FGGY: variants seen among roughly 807,000 people sequenced by gnomAD.
The protein encoded by FGGY is FGGY carbohydrate kinase domain-containing protein.
In FGGY, 72 loss-of-function variants were observed where a neutral mutation model predicts 71.3. The ratio of observed to expected loss-of-function variants is 1.01; its 90% CI spans 0.84 to 1.23. The LOEUF (loss-of-function observed/expected upper bound fraction) is 1.23, where lower values mean the gene tolerates loss of function less well. FGGY is among the 50% of genes most tolerant of loss of function. The pLI is 0.00. For missense variants in FGGY, 668 were observed against 682.3 expected (o/e 0.98, Z 0.23); for synonymous variants, 251 against 250.3 (o/e 1.00, Z -0.02).
rs753446261 is a variant in FGGY at position 59,673,996 on chromosome 1, C to A, written c.1418-43C>A. 8.2e-6 allele frequency: 13 copies of A among 1,581,288 alleles called. No individual in the cohort carries two copies. In the South Asian group the frequency reaches 1.0e-4, roughly 12 times the overall value. On this transcript the variant is annotated intron_variant, in intron 13 of 15. Coordinates refer to ENST00000303721, the MANE Select transcript of FGGY (RefSeq NM_018291.5). ...CTGCTTGTTGGCTCCTCACACTCCC[C>A]TGGCTCTGCTCCCTAACCAAGGTGT...
In FGGY at chr1:59,726,950, A is replaced by T. The variant is rs139368925; in HGVS notation, c.1513-30981A>T. 2.5e-3 allele frequency among the ~76,000 whole-genome samples: 384 copies of T among 152,234 alleles called. 2 individuals carry two copies. Among genetic ancestry groups the T allele is most frequent in the Admixed American group, 3.2e-3 (49 of 15,286 alleles). On this transcript the variant is annotated intron_variant, in intron 14 of 15. Transcript: ENST00000303721. ...ATGTATAGGTTTGTTACATAGGTAT[A>T]TTGTGTGATGCTAAGGTTTGGGTAC...
At chr1:59,679,629 A>G (rs2097475294) in intron 14 of FGGY, among the ~76,000 whole-genome samples, 1 of 152,114 alleles carries the variant, frequency 6.6e-6, no homozygotes, top group Non-Finnish European at 1.5e-5. Context: ...TTTACTTATT[A>G]ACTATTTAAT....
chr1:59,526,144 G>A (rs550612481), intron 7 of FGGY, among the ~76,000 whole-genome samples: 4 of 152,264 alleles, frequency 2.6e-5, no homozygotes, highest in South Asian at 2.1e-4. Flanking sequence ...GCATGTGTCC[G>A]TATATATGTA....
chr1:59,364,882 A>G (rs930533327), intron 4 of FGGY, among the ~76,000 whole-genome samples: 13 of 152,220 alleles, frequency 8.5e-5, no homozygotes, highest in Non-Finnish European at 1.8e-4. Flanking sequence ...CCTCTTCATG[A>G]ATTAATTGGG....
chr1:59,389,968 AG>A (rs970069473), intron 5 of FGGY, among the ~76,000 whole-genome samples: 27 of 152,162 alleles, frequency 1.8e-4, no homozygotes, highest in African/African-American at 6.5e-4. Context: ...GGAGAAGCAC[AG>A]TTACTTCTGA....
intron 7 of FGGY, among the ~76,000 whole-genome samples, chr1:59,535,757 AG>A (rs1035013550): frequency 4.0e-5 from 6 of 149,056 alleles, no homozygotes; most frequent in Non-Finnish European, 7.4e-5. Flanking sequence ...AAATGAAGGC[AG>A]AAATAAAGAT....
intron 1 of FGGY, among the ~76,000 whole-genome samples, chr1:59,319,974 A>G (rs1418412893): frequency 6.6e-6 from 1 of 152,202 alleles, no homozygotes; most frequent in Non-Finnish European, 1.5e-5. Context: ...AAGAAAAGGT[A>G]TCACTGTTGA....
At chr1:59,641,166 T>C (rs1231806764) in intron 11 of FGGY, 4 of 691,530 alleles carry the variant, frequency 5.8e-6, no homozygotes, top group Non-Finnish European at 1.0e-5. Flanking sequence ...GAAGAGAGCA[T>C]GGCATGTGAA....
chr1:59,449,212 A>G (rs1451584446), intron 5 of FGGY, among the ~76,000 whole-genome samples: 2 of 152,018 alleles, frequency 1.3e-5, no homozygotes, highest in Non-Finnish European at 2.9e-5. Flanking sequence ...TCCTGGTAAC[A>G]TTTCTTGTTC....
chr1:59,721,305 A>G (rs1397945591), intron 14 of FGGY, among the ~76,000 whole-genome samples: 1 of 144,564 alleles, frequency 6.9e-6, no homozygotes, highest in African/African-American at 2.6e-5. Context: ...AATTGTGAAG[A>G]TGATACAGAG....
At chr1:59,568,996 A>T (rs190979687) in intron 8 of FGGY, among the ~76,000 whole-genome samples, 4 of 152,214 alleles carry the variant, frequency 2.6e-5, no homozygotes, top group Admixed American at 1.3e-4. Flanking sequence ...TACTCAGAAA[A>T]AAAAAGGCTG....
chr1:59,626,276 T>TATAGA (rs1553348225), intron 10 of FGGY: 7 of 435,340 alleles, frequency 1.6e-5, no homozygotes, highest in African/African-American at 1.4e-4. Context: ...CCAGGGACTA[T>TATAGA]AGATAAGAAA....
At chr1:59,328,148 T>C (rs867923988) in intron 2 of FGGY, among the ~76,000 whole-genome samples, 6 of 152,222 alleles carry the variant, frequency 3.9e-5, no homozygotes, top group South Asian at 2.1e-4. Flanking sequence ...AGGCATTGGC[T>C]TTTTGTCTCT....
chr1:59,678,304 T>C (rs1436420386), intron 14 of FGGY, among the ~76,000 whole-genome samples: 1 of 152,174 alleles, frequency 6.6e-6, no homozygotes, highest in African/African-American at 2.4e-5. Flanking sequence ...ACCTTTCTAC[T>C]TGATCCCTCC....
chr1:59,653,416 G>C (rs1225936538), intron 11 of FGGY, among the ~76,000 whole-genome samples: 1 of 152,042 alleles, frequency 6.6e-6, no homozygotes, highest in East Asian at 1.9e-4. Flanking sequence ...TTCTGTGGGC[G>C]TAGGACCCTC....
intron 5 of FGGY, among the ~76,000 whole-genome samples, chr1:59,433,842 A>G (rs1443572092): frequency 4.6e-5 from 7 of 152,126 alleles, no homozygotes; most frequent in Non-Finnish European, 1.0e-4. Flanking sequence ...TTTCCTTTTT[A>G]AATTCTAGAT....
In FGGY at chr1:59,593,522, C is replaced by T. The variant is rs758306148; in HGVS notation, c.904-14281C>T. 8.5e-5 allele frequency among the ~76,000 whole-genome samples: 13 copies of T among 152,248 alleles called. 1 individual carries two copies. The highest frequency in any genetic ancestry group is 3.4e-3 in the Middle Eastern group (1 of 294). On this transcript the variant is annotated intron_variant, in intron 8 of 15. Coordinates refer to ENST00000303721, the MANE Select transcript of FGGY (RefSeq NM_018291.5). ...ATGGGGATAAAGATACCTATCTCAC[C>T]GGCTTGTGATAATTATAAAATGAGA... is the stretch of plus-strand genomic sequence containing the variant.
chr1:59,462,488 C>T (rs1391905864), intron 6 of FGGY, among the ~76,000 whole-genome samples: 1 of 152,104 alleles, frequency 6.6e-6, no homozygotes, highest in Non-Finnish European at 1.5e-5. Flanking sequence ...AGCTTCTGGA[C>T]AGCAAAAGAA....
chr1:59,323,307 C>T (rs2046740397), intron 2 of FGGY, among the ~76,000 whole-genome samples: 1 of 152,170 alleles, frequency 6.6e-6, no homozygotes, highest in Non-Finnish European at 1.5e-5. Context: ...TTAATCATCT[C>T]CCAGTGGTGG....
Sources: gnomAD v4.1 joint callset for allele counts (sites outside exome capture counted in the v4.1 genomes callset) on GRCh38, gnomAD v4.1.1 for gene constraint, MANE v1.5 for transcripts, NCBI Gene and HGNC (gene_info 2026-07-23, HGNC 2026-07-21) for gene names.